Variants in CNNM2 observed in about 807,000 individuals in gnomAD.
CNNM2 encodes metal transporter CNNM2.
Under a neutral mutation model 66.9 loss-of-function variants are expected in CNNM2, and 12 were observed. The observed-to-expected ratio is 0.18, with a 90% CI of 0.11 to 0.29. CNNM2 has a LOEUF of 0.29. Among genes scored for constraint, CNNM2 ranks in the 10% least tolerant of loss-of-function variants. The pLI is 1.00. For missense variants in CNNM2, 705 were observed against 1,167.7 expected, an observed-to-expected ratio of 0.60 and a Z score of 5.77; for synonymous variants, 557 against 501.8, an observed-to-expected ratio of 1.11 and a Z score of -1.47.
chr10:102,977,523 T>TA (rs2063654382), intron 1 of CNNM2, among the ~76,000 whole-genome samples: 1 of 152,176 alleles, frequency 6.6e-6, no homozygotes, highest in South Asian at 2.1e-4. Flanking sequence ...AAAAAATTTT[T>TA]AAAAATTGTG....
chr10:102,931,393 G>A (rs1304742993), intron 1 of CNNM2, among the ~76,000 whole-genome samples: 2 of 104,548 alleles, frequency 1.9e-5, no homozygotes, highest in Admixed American at 2.4e-4. Context: ...TTTCACTCTT[G>A]TTGCCCAGGC....
rs375304214 is a variant in CNNM2 at position 103,051,430 on chromosome 10, C to T, written c.1765+1580C>T. Among the ~76,000 whole-genome samples, 119 of 149,238 alleles carry T rather than the reference C, an allele frequency of 8.0e-4. No individual in the cohort carries two copies. The highest frequency in any genetic ancestry group is 3.3e-3 in the Admixed American group (50 of 14,990). Reference sequence around the variant, plus strand: ...TGGTGACAGAGCCAGACTCTCTCTCCAAAAAATGATAATAATAACTGAGAA... The same window carrying T: ...TGGTGACAGAGCCAGACTCTCTCTCTAAAAAATGATAATAATAACTGAGAA... On this transcript the variant is annotated intron_variant, in intron 2 of 7. Coordinates refer to ENST00000369878, the MANE Select transcript of CNNM2 (RefSeq NM_017649.5).
At chr10:103,069,421 C>T (rs117376331) in intron 5 of CNNM2, among the ~76,000 whole-genome samples, 24 of 152,178 alleles carry the variant, frequency 1.6e-4, no homozygotes, top group Non-Finnish European at 3.1e-4. Context: ...GTGTGAATTC[C>T]GGTTGCTCTG....
chr10:103,043,985 G>A (rs763479251), intron 1 of CNNM2, among the ~76,000 whole-genome samples: 3 of 152,176 alleles, frequency 2.0e-5, no homozygotes, highest in East Asian at 3.8e-4. Context: ...AAGAAAGGGC[G>A]CTCTCCCAAG....
chr10:102,946,302 G>A (rs1464857457), intron 1 of CNNM2, among the ~76,000 whole-genome samples: 1 of 152,174 alleles, frequency 6.6e-6, no homozygotes, highest in Non-Finnish European at 1.5e-5. Context: ...GAGGCAGAAA[G>A]GTTGTGTTTG....
At chr10:102,976,257 T>G (rs1169089565) in intron 1 of CNNM2, among the ~76,000 whole-genome samples, 1 of 152,066 alleles carries the variant, frequency 6.6e-6, no homozygotes, top group Non-Finnish European at 1.5e-5. Flanking sequence ...AATAACATTT[T>G]ATGATTAATG....
At chr10:103,005,062 G>C (rs527386517) in intron 1 of CNNM2, among the ~76,000 whole-genome samples, 2 of 151,692 alleles carry the variant, frequency 1.3e-5, no homozygotes, top group South Asian at 4.2e-4. Flanking sequence ...ATGGGCATGC[G>C]CCACCACACC....
In CNNM2 at chr10:103,078,801, G is replaced by T. The variant is rs1289461167; in HGVS notation, c.*1621G>T. The T allele has an allele frequency of 2.0e-5, 3 of 152,262 alleles. No individual in the cohort carries two copies. Among genetic ancestry groups the T allele is most frequent in the Non-Finnish European group, 4.4e-5 (3 of 68,056 alleles). 9.4% of individuals were successfully genotyped at this position (152,262 alleles called of 1,614,324 possible). A position where few individuals can be genotyped will look rare whatever the true frequency, so the allele number is the denominator to read the frequency against. On this transcript the variant is annotated 3_prime_UTR_variant, in exon 8 of 8. Transcript: ENST00000369878. ...GGCAGTTTTCTTCTCCCTACTCCAGGTAGGAAGTCTGTTCAGCCACGGCTG... is the reference window on the plus strand; with the variant it reads ...GGCAGTTTTCTTCTCCCTACTCCAGTTAGGAAGTCTGTTCAGCCACGGCTG...
At chr10:103,023,539 A>G (rs1198524465) in intron 1 of CNNM2, among the ~76,000 whole-genome samples, 1 of 151,766 alleles carries the variant, frequency 6.6e-6, no homozygotes, top group Non-Finnish European at 1.5e-5. Context: ...CAAGAGTGAA[A>G]CTCTGTTCCC....
rs1564809823 is a variant in CNNM2, at chr10:102,930,701, C to G, written c.1621+10600C>G. Among the ~76,000 whole-genome samples, 6 of 152,178 alleles carry G rather than the reference C, an allele frequency of 3.9e-5. No individual in the cohort carries two copies. In the South Asian group the frequency reaches 8.3e-4, roughly 21 times the overall value. Reference sequence around the variant, plus strand: ...AAGAAACTCCATACCTCTTTGCAGTCACTTCTCATTTTCTGTTCCCCCTAG... The same window carrying G: ...AAGAAACTCCATACCTCTTTGCAGTGACTTCTCATTTTCTGTTCCCCCTAG... On this transcript the variant is annotated intron_variant, in intron 1 of 7. Coordinates refer to ENST00000369878, the MANE Select transcript of CNNM2 (RefSeq NM_017649.5).
At chr10:102,964,225 T>C (rs545417379) in intron 1 of CNNM2, among the ~76,000 whole-genome samples, 6 of 152,180 alleles carry the variant, frequency 3.9e-5, no homozygotes, top group Admixed American at 3.3e-4. Context: ...GCTAATTAGA[T>C]ATTCTTTTTT....
At chr10:102,940,657 A>G (rs764802772) in intron 1 of CNNM2, among the ~76,000 whole-genome samples, 1 of 150,832 alleles carries the variant, frequency 6.6e-6, no homozygotes, top group Admixed American at 6.6e-5. Flanking sequence ...TGACCTCGTG[A>G]TCCGCCCTCC....
At chr10:103,051,819 G>T (rs2065218179) in intron 2 of CNNM2, among the ~76,000 whole-genome samples, 1 of 152,186 alleles carries the variant, frequency 6.6e-6, no homozygotes, top group Admixed American at 6.5e-5. Context: ...ACTATTTTCT[G>T]AAAACGTATC....
intron 1 of CNNM2, among the ~76,000 whole-genome samples, chr10:103,017,963 C>CAAAAAAAA (rs59984156): frequency 5.1e-5 from 4 of 78,876 alleles, no homozygotes; most frequent in Admixed American, 1.4e-4. Flanking sequence ...GAATCTGTCT[C>CAAAAAAAA]AAAAAAAAAA....
chr10:102,994,782 A>C (rs1457563807), intron 1 of CNNM2, among the ~76,000 whole-genome samples: 1 of 152,252 alleles, frequency 6.6e-6, no homozygotes, highest in Non-Finnish European at 1.5e-5. Context: ...GCTGCAGAAC[A>C]ATCAAATGCC....
intron 4 of CNNM2, among the ~76,000 whole-genome samples, chr10:103,059,286 C>T (rs2065345054): frequency 6.6e-6 from 1 of 152,126 alleles, no homozygotes; most frequent in Non-Finnish European, 1.5e-5. Context: ...CACTGCATTT[C>T]AAGAGCACTA....
intron 1 of CNNM2, among the ~76,000 whole-genome samples, chr10:102,972,476 A>C (rs1408659250): frequency 6.6e-6 from 1 of 152,132 alleles, no homozygotes; most frequent in Non-Finnish European, 1.5e-5. Flanking sequence ...CTCTACTAAA[A>C]ATACAAAAAA....
chr10:102,935,774 CTTTTTTT>C (rs34196326), intron 1 of CNNM2, among the ~76,000 whole-genome samples: 25 of 77,992 alleles, frequency 3.2e-4, no homozygotes, highest in African/African-American at 1.0e-4. Context: ...CTGCACCTGG[CTTTTTTT>C]TTTTTTTTTT....
intron 1 of CNNM2, among the ~76,000 whole-genome samples, chr10:102,942,791 A>C (rs1387174474): frequency 6.6e-6 from 1 of 152,266 alleles, no homozygotes; most frequent in Non-Finnish European, 1.5e-5. Context: ...ATTGAAGAAT[A>C]GTTAACCAAG....
Sources: allele counts gnomAD v4.1 joint callset (sites outside exome capture counted in the v4.1 genomes callset), GRCh38; gene constraint gnomAD v4.1.1; transcripts MANE v1.5; gene names NCBI Gene and HGNC (gene_info 2026-07-23, HGNC 2026-07-21).